PLEKHA7: variants seen among roughly 807,000 people sequenced by gnomAD.
The protein encoded by PLEKHA7 is pleckstrin homology domain containing A7.
Under a neutral mutation model 170.0 loss-of-function variants are expected in PLEKHA7, and 104 were observed. The ratio of observed to expected loss-of-function variants is 0.61; its 90% CI spans 0.52 to 0.72. PLEKHA7 has a LOEUF of 0.72. Among genes scored for constraint, PLEKHA7 ranks in the 30% least tolerant of loss-of-function variants. PLEKHA7 has a pLI of 0.00. For missense variants in PLEKHA7, 1,615 were observed against 1,671.7 expected (o/e 0.97, Z 0.59); for synonymous variants, 648 against 660.8 (o/e 0.98, Z 0.30).
chr11:16,901,501 C>T (rs1367507823), intron 3 of PLEKHA7, among the ~76,000 whole-genome samples: 2 of 152,162 alleles, frequency 1.3e-5, no homozygotes, highest in Non-Finnish European at 2.9e-5. Flanking sequence ...CCCAATATGT[C>T]TTTTCTCTTT....
At chr11:16,828,617 C>A (rs1850851790) in intron 9 of PLEKHA7, among the ~76,000 whole-genome samples, 1 of 152,206 alleles carries the variant, frequency 6.6e-6, no homozygotes, top group South Asian at 2.1e-4. Context: ...TTTGGAACTC[C>A]TTTTATCCAA....
chr11:16,803,961 T>A (rs1320689083), intron 13 of PLEKHA7, among the ~76,000 whole-genome samples: 2 of 152,154 alleles, frequency 1.3e-5, no homozygotes, highest in Non-Finnish European at 2.9e-5. Flanking sequence ...CATAAAGCAA[T>A]ATACAAAAGT....
At chr11:16,935,995 G>C (rs1860261362) in intron 3 of PLEKHA7, among the ~76,000 whole-genome samples, 1 of 152,178 alleles carries the variant, frequency 6.6e-6, no homozygotes, top group African/African-American at 2.4e-5. Context: ...ATATTTTGAA[G>C]ACTGACAATC....
At chr11:16,837,493 A>T (rs1446847141) in intron 9 of PLEKHA7, among the ~76,000 whole-genome samples, 1 of 152,200 alleles carries the variant, frequency 6.6e-6, no homozygotes, top group Non-Finnish European at 1.5e-5. Context: ...TCTCTAGTGT[A>T]ATAACACAGG....
intron 3 of PLEKHA7, among the ~76,000 whole-genome samples, chr11:17,011,114 G>A (rs1321489683): frequency 1.3e-5 from 2 of 152,234 alleles, no homozygotes; most frequent in African/African-American, 4.8e-5. Context: ...CAGCAAAGGT[G>A]TGGAAGGCTG....
chr11:16,797,836 A>G (rs1229162373), intron 17 of PLEKHA7, among the ~76,000 whole-genome samples: 1 of 152,204 alleles, frequency 6.6e-6, no homozygotes, highest in Non-Finnish European at 1.5e-5. Context: ...CTCCCCTGTC[A>G]GCCACTTTCT....
chr11:16,821,135 A>T (rs559910464), intron 10 of PLEKHA7, among the ~76,000 whole-genome samples: 28 of 152,350 alleles, frequency 1.8e-4, no homozygotes, highest in Admixed American at 7.2e-4. Flanking sequence ...TGATACAGCC[A>T]TTACAGAAAT....
chr11:16,828,452 T>C (rs904917796), intron 9 of PLEKHA7, among the ~76,000 whole-genome samples: 1 of 152,176 alleles, frequency 6.6e-6, no homozygotes, highest in African/African-American at 2.4e-5. Flanking sequence ...CCTCTTTCCT[T>C]TATAAATTAC....
chr11:16,997,008 C>T (rs1256061455), intron 3 of PLEKHA7, among the ~76,000 whole-genome samples: 2 of 152,184 alleles, frequency 1.3e-5, no homozygotes, highest in African/African-American at 4.8e-5. Context: ...AGCCAGGTCC[C>T]AGCCTGGAGC....
chr11:16,833,571 G>A (rs1269285791), intron 9 of PLEKHA7, among the ~76,000 whole-genome samples: 2 of 152,166 alleles, frequency 1.3e-5, no homozygotes, highest in East Asian at 3.9e-4. Context: ...CGTTCTGGGA[G>A]ATACATTTTT....
intron 3 of PLEKHA7, among the ~76,000 whole-genome samples, chr11:17,002,989 C>CTTTTTTTTTTTTTTTTTTTTTTTTTT (rs568718448): frequency 8.8e-6 from 1 of 113,018 alleles, no homozygotes. Context: ...ATAGTTGTGC[C>CTTTTTTTTTTTTTTTTTTTTTTTTTT]TTTTTTTTTT....
At chr11:16,826,075 A>T in intron 10 of PLEKHA7, 45 bp downstream of exon 10, 3 of 1,568,894 alleles carry the variant, frequency 1.9e-6, no homozygotes, top group Non-Finnish European at 2.6e-6. Context: ...TTGCCACTAC[A>T]TTATCGTGCT....
At chr11:16,963,187 C>T (rs1862172396) in intron 3 of PLEKHA7, among the ~76,000 whole-genome samples, 1 of 152,174 alleles carries the variant, frequency 6.6e-6, no homozygotes, top group Non-Finnish European at 1.5e-5. Context: ...GGGATGGTGA[C>T]ATTAGAAAAG....
At chr11:16,781,787 G>A (rs1415535081) in intron 26 of PLEKHA7, among the ~76,000 whole-genome samples, 1 of 152,190 alleles carries the variant, frequency 6.6e-6, no homozygotes, top group Non-Finnish European at 1.5e-5. Flanking sequence ...CCAGGCATCT[G>A]AGGACCCTGC....
chr11:16,965,962 CACCTG>C, intron 3 of PLEKHA7, among the ~76,000 whole-genome samples: 1 of 152,176 alleles, frequency 6.6e-6, no homozygotes, highest in East Asian at 1.9e-4. Context: ...GCAGGTGGAT[CACCTG>C]AGGTCAGGAG....
At chr11:16,988,020 A>G (rs4757471) in intron 3 of PLEKHA7, among the ~76,000 whole-genome samples, 145,505 of 152,322 alleles carry the variant, frequency 0.96, 69,900 homozygotes, top group East Asian at 1. Flanking sequence ...AGTTGACTGC[A>G]CCTGTTAATA....
chr11:16,807,247 T>C (rs1849051933), intron 13 of PLEKHA7: 1 of 956,348 alleles, frequency 1.0e-6, no homozygotes, highest in African/African-American at 1.8e-5. Context: ...AAAAGGCAGA[T>C]ACAACAAAAC....
chr11:16,980,810 C>T (rs901218615), intron 3 of PLEKHA7, among the ~76,000 whole-genome samples: 3 of 152,022 alleles, frequency 2.0e-5, no homozygotes, highest in Non-Finnish European at 2.9e-5. Context: ...TCGCTTGAAC[C>T]CGGGAGGCGG....
chr11:16,879,393 G>A (rs445431), intron 3 of PLEKHA7, among the ~76,000 whole-genome samples: 16,826 of 152,200 alleles, frequency 0.11, 1,148 homozygotes, highest in East Asian at 0.17. Context: ...CAGAACCGAT[G>A]TCATTTTCTG....
Sources: gnomAD v4.1 joint callset for allele counts (sites outside exome capture counted in the v4.1 genomes callset) on GRCh38, gnomAD v4.1.1 for gene constraint, MANE v1.5 for transcripts, NCBI Gene and HGNC (gene_info 2026-07-23, HGNC 2026-07-21) for gene names.